The following GALNT13 variants were observed in gnomAD, a reference collection of about 807,000 sequenced individuals.
GALNT13 encodes the protein polypeptide N-acetylgalactosaminyltransferase 13.
In GALNT13, 28 loss-of-function variants were observed where a neutral mutation model predicts 64.2. The ratio of observed to expected loss-of-function variants is 0.44; its 90% CI spans 0.32 to 0.60. The LOEUF is 0.60. Ranked by LOEUF, GALNT13 falls within the 20% of genes least tolerant of loss-of-function variation. The probability of loss-of-function intolerance (pLI) is 0.05; values close to 1 mark genes in which losing one functional copy is unlikely to be tolerated. For synonymous variants in GALNT13, 214 were observed against 224.6 expected (o/e 0.95, Z 0.42); for missense variants, 577 against 669.8 (o/e 0.86, Z 1.53).
chr2:153,894,096 G>A (rs888756272), intron 1 of GALNT13, among the ~76,000 whole-genome samples: 12 of 152,062 alleles, frequency 7.9e-5, no homozygotes, highest in African/African-American at 2.7e-4. Context: ...GGCCAGTGGT[G>A]AAGGAGCTGT....
intron 2 of GALNT13, among the ~76,000 whole-genome samples, chr2:153,908,219 C>T (rs1017238593): frequency 2.0e-4 from 30 of 151,904 alleles, no homozygotes; most frequent in African/African-American, 6.8e-4. Context: ...GGTTCATGTC[C>T]TCCGCCCACT....
chr2:153,285,904 A>C, the GALNT13 span, among the ~76,000 whole-genome samples: 3 of 152,120 alleles, frequency 2.0e-5, no homozygotes, highest in African/African-American at 7.2e-5. Context: ...GAAAGCTAGA[A>C]AAAAGGAGTG....
chr2:153,346,695 A>G, the GALNT13 span, among the ~76,000 whole-genome samples: 2,017 of 152,330 alleles, frequency 0.013, 56 homozygotes, highest in African/African-American at 0.046. Flanking sequence ...TGTTGTCTAC[A>G]TAAGTATATG....
chr2:153,986,157 T>G lies in GALNT13; in HGVS notation c.142+41518T>G, dbSNP rs1694785145. On this transcript the variant is annotated intron_variant, in intron 3 of 12. Coordinates refer to ENST00000392825, the MANE Select transcript of GALNT13 (RefSeq NM_052917.4). ...TTTCAAATCAGTACCTCGTATTTAC[T>G]TTATATGCTAAAGAGCTGGCTTCAA... Among the ~76,000 whole-genome samples the G allele has an allele frequency of 2.0e-5, 3 of 152,030 alleles. No individual in the cohort carries two copies. The South Asian group carries it at 6.2e-4, about 31-fold the overall frequency.
At chr2:154,412,247 G>A (rs1465328089) in intron 11 of GALNT13, among the ~76,000 whole-genome samples, 1 of 151,714 alleles carries the variant, frequency 6.6e-6, no homozygotes, top group Non-Finnish European at 1.5e-5. Flanking sequence ...ATTCTGCTCT[G>A]ATGGAATTCA....
At chr2:153,540,641 G>A in the GALNT13 span, among the ~76,000 whole-genome samples, 3 of 152,346 alleles carry the variant, frequency 2.0e-5, no homozygotes, top group South Asian at 6.2e-4. Context: ...AGCCGCAGGG[G>A]CAGAACTGCC....
intron 11 of GALNT13, chr2:154,437,604 C>A (rs897990174): frequency 8.4e-7 from 1 of 1,184,012 alleles, no homozygotes; most frequent in African/African-American, 1.6e-5. Context: ...CACCTGTAAT[C>A]CCAGCACTTT....
chr2:153,672,566 A>T, the GALNT13 span, among the ~76,000 whole-genome samples: 1 of 152,182 alleles, frequency 6.6e-6, no homozygotes, highest in South Asian at 2.1e-4. Flanking sequence ...TGTAGGGGGA[A>T]ATTTGTAGCA....
At chr2:153,172,660 G>T in the GALNT13 span, among the ~76,000 whole-genome samples, 1 of 152,136 alleles carries the variant, frequency 6.6e-6, no homozygotes, top group African/African-American at 2.4e-5. Flanking sequence ...GGCAAACAAA[G>T]AAATGTTTTT....
intron 10 of GALNT13, 67 bp from the exon 11 acceptor site, chr2:154,408,917 G>T: frequency 1.1e-6 from 1 of 940,106 alleles, no homozygotes; most frequent in East Asian, 2.4e-5. Flanking sequence ...AACATGAGAA[G>T]GATTTGATGA....
chr2:154,204,651 T>C (rs1482391303), intron 4 of GALNT13, among the ~76,000 whole-genome samples: 1 of 152,168 alleles, frequency 6.6e-6, no homozygotes, highest in African/African-American at 2.4e-5. Context: ...TAAGATAAAG[T>C]CAAAAGTCCT....
chr2:154,010,360 TGTTTTA>T (rs1057087861), intron 3 of GALNT13, among the ~76,000 whole-genome samples: 5 of 152,200 alleles, frequency 3.3e-5, no homozygotes, highest in African/African-American at 1.2e-4. Context: ...ATGTGTTTTT[TGTTTTA>T]GTTTTGTTTA....
At chr2:153,470,507 G>GT in the GALNT13 span, among the ~76,000 whole-genome samples, 1 of 151,894 alleles carries the variant, frequency 6.6e-6, no homozygotes, top group African/African-American at 2.4e-5. Flanking sequence ...TGAGATATGA[G>GT]TGTGGGCCCA....
At chr2:153,810,030 G>A in the GALNT13 span, among the ~76,000 whole-genome samples, 4 of 152,090 alleles carry the variant, frequency 2.6e-5, no homozygotes, top group African/African-American at 7.2e-5. Context: ...GTGCAATCTC[G>A]GTTCACTGCA....
chr2:154,128,537 A>G (rs1360184207), intron 3 of GALNT13, among the ~76,000 whole-genome samples: 1 of 152,156 alleles, frequency 6.6e-6, no homozygotes, highest in African/African-American at 2.4e-5. Flanking sequence ...AATGAACAGC[A>G]AGATTTATAA....
chr2:153,171,683 A>G, the GALNT13 span, among the ~76,000 whole-genome samples: 2 of 152,314 alleles, frequency 1.3e-5, no homozygotes, highest in South Asian at 4.1e-4. Flanking sequence ...TAACCTGGCT[A>G]AGGATGGCAA....
the GALNT13 span, among the ~76,000 whole-genome samples, chr2:153,212,126 T>C: frequency 4.6e-5 from 7 of 152,290 alleles, no homozygotes; most frequent in African/African-American, 1.7e-4. Flanking sequence ...GTCAAATCCC[T>C]CCCAAATATT....
At chr2:153,649,971 C>G in the GALNT13 span, among the ~76,000 whole-genome samples, 1 of 152,104 alleles carries the variant, frequency 6.6e-6, no homozygotes. Context: ...CTGTAGATGT[C>G]TATTAGGTCT....
chr2:154,440,421 G>A, intron 12 of GALNT13, among the ~76,000 whole-genome samples: 1 of 151,672 alleles, frequency 6.6e-6, no homozygotes. Context: ...TAGTAGCAAT[G>A]CTATTGAATA....
Sources: allele counts gnomAD v4.1 joint callset (sites outside exome capture counted in the v4.1 genomes callset), GRCh38; gene constraint gnomAD v4.1.1; transcripts MANE v1.5; gene names NCBI Gene and HGNC (gene_info 2026-07-23, HGNC 2026-07-21).